COL22A1: variants seen among roughly 807,000 people sequenced by gnomAD.
The protein encoded by COL22A1 is collagen alpha-1(XXII) chain.
COL22A1 carries 221 observed loss-of-function variants against 248.9 expected under a neutral mutation model. That is an observed-to-expected ratio of 0.89 (90% CI 0.80 to 0.99). The LOEUF (loss-of-function observed/expected upper bound fraction) is 0.99. Among genes scored for constraint, COL22A1 ranks in the 50% least tolerant of loss-of-function variants. COL22A1 has a pLI of 0.00. For synonymous variants in COL22A1, 891 were observed against 793.4 expected (o/e 1.12, Z -2.07); for missense variants, 2,240 against 2,179.0 (o/e 1.03, Z -0.56).
At chr8:138,855,407 G>A (rs1821937101) in intron 3 of COL22A1, among the ~76,000 whole-genome samples, 1 of 152,230 alleles carries the variant, frequency 6.6e-6, no homozygotes, top group Non-Finnish European at 1.5e-5. Context: ...TGGCAGCAGT[G>A]TGGCTCCAGG....
chr8:138,733,737 C>G (rs1830882473), intron 23 of COL22A1, among the ~76,000 whole-genome samples: 1 of 152,186 alleles, frequency 6.6e-6, no homozygotes, highest in East Asian at 1.9e-4. Flanking sequence ...CAGATTAATC[C>G]TGTGCTTTTG....
At chr8:138,812,028 G>A in intron 8 of COL22A1, 107 bp from the exon 9 acceptor site, 2 of 1,298,044 alleles carry the variant, frequency 1.5e-6, no homozygotes, top group South Asian at 1.5e-5. Flanking sequence ...GCCAAAGGTT[G>A]AGAAAACGCT....
chr8:138,742,524 TG>T (rs1831691829), intron 22 of COL22A1, among the ~76,000 whole-genome samples: 1 of 150,148 alleles, frequency 6.7e-6, no homozygotes, highest in South Asian at 2.1e-4. Flanking sequence ...ATGGTAGTAG[TG>T]ATTGTGATGG....
intron 4 of COL22A1, among the ~76,000 whole-genome samples, chr8:138,834,774 A>G (rs1820303139): frequency 6.6e-6 from 1 of 152,212 alleles, no homozygotes; most frequent in African/African-American, 2.4e-5. Flanking sequence ...TCTCATCACA[A>G]TTACAGCATC....
chr8:138,906,381 A>AAAAC (rs1815019176), intron 1 of COL22A1, among the ~76,000 whole-genome samples: 1 of 150,472 alleles, frequency 6.6e-6, no homozygotes, highest in Non-Finnish European at 1.5e-5. Context: ...AAAAAAAAAA[A>AAAAC]TTACCTACAT....
At chr8:138,859,760 G>C (rs1822312762) in intron 3 of COL22A1, among the ~76,000 whole-genome samples, 1 of 152,170 alleles carries the variant, frequency 6.6e-6, no homozygotes, top group African/African-American at 2.4e-5. Context: ...CAGGCAAAGG[G>C]GCATGCTAAG....
chr8:138,829,957 T>C (rs1234773595), intron 5 of COL22A1, among the ~76,000 whole-genome samples: 2 of 152,196 alleles, frequency 1.3e-5, no homozygotes, highest in African/African-American at 2.4e-5. Context: ...TATATATATA[T>C]GTATATACCT....
chr8:138,589,161 T>C lies in COL22A1; in HGVS notation c.*92A>G. 2.6e-6 allele frequency: 3 copies of C among 1,168,688 alleles called. No individual in the cohort carries two copies. Among genetic ancestry groups the C allele is most frequent in the South Asian group, 1.4e-5 (1 of 69,800 alleles). The allele number at this position is 1,168,688 out of a possible 1,614,324, so 72.4% of individuals were successfully genotyped here. On this transcript the variant is annotated 3_prime_UTR_variant, in exon 65 of 65. Transcript: ENST00000303045. ...AAGAAAGAAAAAAAAAAGGAACACATGGCTGAAGTCTTTCAAGACCTCTGG... is the reference window on the plus strand; with the variant it reads ...AAGAAAGAAAAAAAAAAGGAACACACGGCTGAAGTCTTTCAAGACCTCTGG...
In COL22A1 at chr8:138,894,318, T is replaced by A. The variant is rs555634991; in HGVS notation, c.-72-11074A>T. On this transcript the variant is annotated intron_variant, in intron 1 of 64. Coordinates refer to ENST00000303045, the MANE Select transcript of COL22A1 (RefSeq NM_152888.3). Reference sequence around the variant, plus strand: ...ATGGATTAGAGAGACCAATGAGGAGTTCTAGTGCAACAATTCAAACAGAAA... The same window carrying A: ...ATGGATTAGAGAGACCAATGAGGAGATCTAGTGCAACAATTCAAACAGAAA... Among the ~76,000 whole-genome samples the A allele has an allele frequency of 3.3e-5, 5 of 151,944 alleles. No homozygotes were observed. The South Asian group carries it at 1.0e-3, about 32-fold the overall frequency.
intron 3 of COL22A1, among the ~76,000 whole-genome samples, chr8:138,869,399 G>A (rs1019990674): frequency 2.0e-5 from 3 of 152,144 alleles, no homozygotes; most frequent in African/African-American, 7.2e-5. Flanking sequence ...AGAATGAGAT[G>A]GGCTGCATGC....
rs201240775 is a variant in COL22A1 at position 138,593,393 on chromosome 8, A to T, written c.4615+624T>A. Reference sequence around the variant, plus strand: ...AGAACTTGAAGTAAATTTTTTTTTTAAAAAAAAACCTTTTGTTAAAAAAAA... The same window carrying T: ...AGAACTTGAAGTAAATTTTTTTTTTTAAAAAAAACCTTTTGTTAAAAAAAA... On this transcript the variant is annotated intron_variant, in intron 63 of 64. Transcript: ENST00000303045. Among the ~76,000 whole-genome samples, 972 of 150,616 alleles carry T rather than the reference A, an allele frequency of 6.5e-3. 7 individuals carry two copies. Among genetic ancestry groups the T allele is most frequent in the African/African-American group, 0.017 (698 of 40,854 alleles).
intron 16 of COL22A1, among the ~76,000 whole-genome samples, chr8:138,763,815 A>G (rs1031009297): frequency 1.3e-5 from 2 of 151,386 alleles, no homozygotes; most frequent in African/African-American, 2.4e-5. Flanking sequence ...TAAATGAGAG[A>G]CTCTCTTCGG....
intron 7 of COL22A1, among the ~76,000 whole-genome samples, chr8:138,816,301 A>G (rs1284216091): frequency 3.9e-5 from 6 of 152,082 alleles, no homozygotes; most frequent in African/African-American, 7.2e-5. Context: ...AAATGCCAGC[A>G]TTGCCCCAGC....
chr8:138,898,451 G>A (rs1204435413), intron 1 of COL22A1, among the ~76,000 whole-genome samples: 1 of 152,076 alleles, frequency 6.6e-6, no homozygotes, highest in Admixed American at 6.5e-5. Flanking sequence ...GCTCAGGATG[G>A]ATTGCATCCT....
At chr8:138,686,421 T>C (rs1404325254) in intron 37 of COL22A1, among the ~76,000 whole-genome samples, 1 of 152,136 alleles carries the variant, frequency 6.6e-6, no homozygotes, top group African/African-American at 2.4e-5. Context: ...GCAATCACAG[T>C]GTTTCCAGAC....
At chr8:138,853,812 G>A (rs1268597415) in intron 3 of COL22A1, among the ~76,000 whole-genome samples, 3 of 152,146 alleles carry the variant, frequency 2.0e-5, no homozygotes, top group Non-Finnish European at 2.9e-5. Flanking sequence ...AAGGGAAGAC[G>A]AACACTTACA....
intron 16 of COL22A1, 119 bp downstream of exon 16, chr8:138,775,847 C>T: frequency 2.1e-6 from 2 of 960,524 alleles, no homozygotes; most frequent in East Asian, 2.4e-5. Flanking sequence ...CACATGTGCA[C>T]ACATGCACAC....
chr8:138,883,883 T>C (rs1453551051), intron 1 of COL22A1, among the ~76,000 whole-genome samples: 2 of 152,166 alleles, frequency 1.3e-5, no homozygotes, highest in Admixed American at 6.5e-5. Context: ...GAAAATGGAC[T>C]AATACACCAC....
At chr8:138,736,372 C>G (rs1278704735) in intron 23 of COL22A1, among the ~76,000 whole-genome samples, 1 of 151,958 alleles carries the variant, frequency 6.6e-6, no homozygotes, top group Non-Finnish European at 1.5e-5. Flanking sequence ...CATGTTTTGT[C>G]CACACTGTGG....
Sources: gnomAD v4.1 joint callset for allele counts (sites outside exome capture counted in the v4.1 genomes callset) on GRCh38, gnomAD v4.1.1 for gene constraint, MANE v1.5 for transcripts, NCBI Gene and HGNC (gene_info 2026-07-23, HGNC 2026-07-21) for gene names.